AGMO: variants seen among roughly 807,000 people sequenced by gnomAD.
AGMO encodes the protein alkylglycerol monooxygenase.
A neutral mutation model predicts 60.2 loss-of-function variants in AGMO; 75 were observed. That is an observed-to-expected ratio of 1.25 (90% CI 1.03 to 1.51). The LOEUF (loss-of-function observed/expected upper bound fraction) is 1.51, where lower values mean the gene tolerates loss of function less well. Among genes scored for constraint, AGMO ranks in the 40% most tolerant of loss-of-function variants. The pLI is 0.00. For missense variants in AGMO, 763 were observed against 525.5 expected (o/e 1.45, Z -4.42); for synonymous variants, 261 against 177.1 (o/e 1.47, Z -3.76).
the AGMO span, among the ~76,000 whole-genome samples, chr7:15,172,500 A>G: frequency 6.6e-6 from 1 of 152,188 alleles, no homozygotes; most frequent in Non-Finnish European, 1.5e-5. Context: ...AGATTGACTA[A>G]AGCATCAACA....
At chr7:15,296,637 A>T (rs943594557) in intron 12 of AGMO, among the ~76,000 whole-genome samples, 1 of 152,204 alleles carries the variant, frequency 6.6e-6, no homozygotes, top group Admixed American at 6.5e-5. Flanking sequence ...AAGCATAATA[A>T]CAGCAATACA....
At position 15,234,790 on chromosome 7, in the gene AGMO, T is replaced by G. The variant is rs140245410; in HGVS notation, c.1264-33431A>C. ...CACTGAAATTTGAATTTTACATCATTTCATATGTCACTGAATATTATTCTT... is the reference window on the plus strand; with the variant it reads ...CACTGAAATTTGAATTTTACATCATGTCATATGTCACTGAATATTATTCTT... On this transcript the variant is annotated intron_variant, in intron 12 of 12. Coordinates refer to ENST00000342526, the MANE Select transcript of AGMO (RefSeq NM_001004320.2). Among the ~76,000 whole-genome samples, 36 of 152,336 alleles carry G rather than the reference T, an allele frequency of 2.4e-4. 1 individual carries two copies. The East Asian group carries it at 5.2e-3, about 22-fold the overall frequency.
Position 15,289,940 on chromosome 7 carries a change from A to T in AGMO, c.1263+75574T>A, listed in dbSNP as rs1784210150. Among the ~76,000 whole-genome samples, 4 of 137,870 alleles carry T rather than the reference A, an allele frequency of 2.9e-5. No homozygotes were observed. In the South Asian group the frequency reaches 8.9e-4, roughly 31 times the overall value. The allele number at this position is 137,870 out of a possible 152,430, so 90.4% of individuals were successfully genotyped here. Reference sequence around the variant, plus strand: ...ATCCAAGAGTATCATTTATTCCAGAAATCTTTTTTTTTTTTTTTTTTTTTT... The same window carrying T: ...ATCCAAGAGTATCATTTATTCCAGATATCTTTTTTTTTTTTTTTTTTTTTT... On this transcript the variant is annotated intron_variant, in intron 12 of 12. Transcript: ENST00000342526.
chr7:15,431,082 G>T lies in AGMO; in HGVS notation c.436C>A (p.Gln146Lys), dbSNP rs771170978. Residue 146 changes from glutamine (Q) to lysine (K), a missense_variant, in exon 4 of 13, where the codon CAA becomes AAA. By Grantham distance (53) the Gln-to-Lys change is moderately conservative. Transcript: ENST00000342526. Reference protein sequence around the residue: ...HEVNIMWAGHQTHHSSEDYNL... With the variant: ...HEVNIMWAGHKTHHSSEDYNL... ...TAGTCTTCAGAACTATGATGTGTTTGGTGTCCGGCCCACATAATATTAACT... is the reference window on the plus strand; with the variant it reads ...TAGTCTTCAGAACTATGATGTGTTTTGTGTCCGGCCCACATAATATTAACT... The T allele has an allele frequency of 6.2e-7, 1 of 1,611,286 alleles. No homozygotes were observed. Among genetic ancestry groups the T allele is most frequent in the Non-Finnish European group, 8.5e-7 (1 of 1,178,142 alleles).
Position 15,272,709 on chromosome 7 carries a change from T to C in AGMO, c.1264-71350A>G, listed in dbSNP as rs568216973. ...AGATTCTTGAGGAATCGCGACACTG[T>C]CTTCCACAATGGTTGAACTAGTTTA... On this transcript the variant is annotated intron_variant, in intron 12 of 12. Transcript: ENST00000342526. Among the ~76,000 whole-genome samples the C allele has an allele frequency of 7.2e-5, 11 of 152,300 alleles. No homozygotes were observed. The South Asian group carries it at 2.3e-3, about 32-fold the overall frequency.
chr7:15,145,121 C>T, the AGMO span, among the ~76,000 whole-genome samples: 5 of 152,208 alleles, frequency 3.3e-5, no homozygotes, highest in Non-Finnish European at 7.3e-5. Context: ...AGCCGCTGCG[C>T]CCGGCCGGCG....
the AGMO span, among the ~76,000 whole-genome samples, chr7:15,180,403 C>G: frequency 6.6e-6 from 1 of 151,994 alleles, no homozygotes; most frequent in Non-Finnish European, 1.5e-5. Flanking sequence ...AGTCCTAGAA[C>G]ATGAACACAA....
intron 12 of AGMO, 33 bp from the exon 13 acceptor site, chr7:15,201,392 T>A (rs756784980): frequency 8.8e-6 from 13 of 1,470,722 alleles, no homozygotes; most frequent in Middle Eastern, 1.9e-4. Flanking sequence ...GAAAAAAAAA[T>A]TAGAAGTGAA....
intron 12 of AGMO, among the ~76,000 whole-genome samples, chr7:15,223,825 G>T (rs981534836): frequency 6.6e-6 from 1 of 151,148 alleles, no homozygotes; most frequent in Non-Finnish European, 1.5e-5. Context: ...GAATTATCTT[G>T]ATCTATACAA....
At chr7:15,453,632 G>C (rs149895074) in intron 3 of AGMO, among the ~76,000 whole-genome samples, 1 of 152,276 alleles carries the variant, frequency 6.6e-6, no homozygotes, top group African/African-American at 2.4e-5. Context: ...TCAGGCAAAG[G>C]AAAATACCAA....
intron 3 of AGMO, among the ~76,000 whole-genome samples, chr7:15,528,842 T>G (rs1784193778): frequency 6.6e-6 from 1 of 152,146 alleles, no homozygotes; most frequent in South Asian, 2.1e-4. Flanking sequence ...GAGATGGAGT[T>G]TCTCCATGTT....
intron 12 of AGMO, among the ~76,000 whole-genome samples, chr7:15,325,385 C>T (rs1781305370): frequency 6.6e-6 from 1 of 151,990 alleles, no homozygotes; most frequent in African/African-American, 2.4e-5. Flanking sequence ...ATAATATTAT[C>T]TGCAATTATT....
intron 5 of AGMO, among the ~76,000 whole-genome samples, chr7:15,409,015 T>C (rs550751910): frequency 6.6e-6 from 1 of 151,570 alleles, no homozygotes; most frequent in African/African-American, 2.4e-5. Context: ...ATTTGAGAAA[T>C]GGAAAACGGT....
the AGMO span, among the ~76,000 whole-genome samples, chr7:15,191,985 A>T: frequency 3.2e-4 from 48 of 151,504 alleles, no homozygotes; most frequent in African/African-American, 4.6e-4. Context: ...ACACACACAC[A>T]CACACACACA....
intron 12 of AGMO, among the ~76,000 whole-genome samples, chr7:15,308,969 C>T (rs1366549836): frequency 6.6e-6 from 1 of 152,192 alleles, no homozygotes; most frequent in East Asian, 1.9e-4. Flanking sequence ...GAATTCACAA[C>T]TTAAACGCTT....
At chr7:15,168,254 G>C in the AGMO span, among the ~76,000 whole-genome samples, 1 of 152,310 alleles carries the variant, frequency 6.6e-6, no homozygotes, top group South Asian at 2.1e-4. Context: ...GAGATCGCCA[G>C]CATACGCTGG....
At chr7:15,407,943 T>G (rs1048097660) in intron 5 of AGMO, among the ~76,000 whole-genome samples, 10 of 151,896 alleles carry the variant, frequency 6.6e-5, no homozygotes, top group African/African-American at 2.4e-4. Flanking sequence ...GAGCTCGTGC[T>G]CCTAACTCTT....
At chr7:15,471,995 T>A (rs1195847418) in intron 3 of AGMO, among the ~76,000 whole-genome samples, 3 of 151,840 alleles carry the variant, frequency 2.0e-5, no homozygotes, top group Non-Finnish European at 4.4e-5. Flanking sequence ...TTAAGAAGAA[T>A]CCTAACAATA....
chr7:15,197,600 C>T (rs910216414), downstream of AGMO, among the ~76,000 whole-genome samples: 6 of 152,206 alleles, frequency 3.9e-5, no homozygotes, highest in Non-Finnish European at 7.3e-5. Flanking sequence ...AGGTAATGAG[C>T]AAGTCTGGAG....
Sources: allele counts gnomAD v4.1 joint callset (sites outside exome capture counted in the v4.1 genomes callset), GRCh38; gene constraint gnomAD v4.1.1; transcripts MANE v1.5; gene names NCBI Gene and HGNC (gene_info 2026-07-23, HGNC 2026-07-21).